LHFPL2: variants seen among roughly 807,000 people sequenced by gnomAD.
LHFPL2 encodes LHFPL tetraspan subfamily member 2 protein.
A neutral mutation model predicts 17.5 loss-of-function variants in LHFPL2; 7 were observed. The ratio of observed to expected loss-of-function variants is 0.40; its 90% CI spans 0.23 to 0.75. The LOEUF is 0.75. Among genes scored for constraint, LHFPL2 ranks in the 30% least tolerant of loss-of-function variants. LHFPL2 has a pLI of 0.37. For missense variants in LHFPL2, 241 were observed against 294.8 expected (o/e 0.82, Z 1.34); for synonymous variants, 134 against 116.2 (o/e 1.15, Z -0.99).
chr5:78,609,321 C>T (rs1180527368), intron 2 of LHFPL2, among the ~76,000 whole-genome samples: 3 of 151,582 alleles, frequency 2.0e-5, no homozygotes, highest in African/African-American at 7.3e-5. Flanking sequence ...TGTGGTGGCA[C>T]AGGCCTGTAA....
intron 4 of LHFPL2, among the ~76,000 whole-genome samples, chr5:78,507,097 G>A (rs1323675677): frequency 1.3e-5 from 2 of 152,076 alleles, no homozygotes; most frequent in African/African-American, 2.4e-5. Flanking sequence ...TTGGGAGGCG[G>A]AGGCAGGTGA....
At chr5:78,517,473 A>G (rs1755326487) in intron 3 of LHFPL2, among the ~76,000 whole-genome samples, 1 of 152,238 alleles carries the variant, frequency 6.6e-6, no homozygotes, top group African/African-American at 2.4e-5. Context: ...GCTAATAAAG[A>G]CATACCCGAA....
intron 2 of LHFPL2, among the ~76,000 whole-genome samples, chr5:78,603,672 GA>G (rs1341388426): frequency 7.3e-6 from 1 of 136,972 alleles, no homozygotes; most frequent in African/African-American, 2.8e-5. Context: ...TTGAGCCCAA[GA>G]GTTCAAGACC....
At chr5:78,514,205 ACTT>A (rs60169202) in intron 3 of LHFPL2, among the ~76,000 whole-genome samples, 18,892 of 152,022 alleles carry the variant, frequency 0.12, 1,472 homozygotes, top group African/African-American at 0.2. Flanking sequence ...TACCTAAAAG[ACTT>A]CTTCTCTACG....
chr5:78,506,025 G>C (rs1191914027), intron 4 of LHFPL2, among the ~76,000 whole-genome samples: 1 of 152,248 alleles, frequency 6.6e-6, no homozygotes. Flanking sequence ...ACAGTATTTA[G>C]AAAGTATCAG....
chr5:78,582,489 T>C (rs1743184260), intron 2 of LHFPL2, among the ~76,000 whole-genome samples: 2 of 151,580 alleles, frequency 1.3e-5, no homozygotes, highest in South Asian at 4.2e-4. Flanking sequence ...TGTTGTGTCT[T>C]TGTTCTCGTT....
chr5:78,601,396 T>G (rs1744009117), intron 2 of LHFPL2, among the ~76,000 whole-genome samples: 1 of 152,202 alleles, frequency 6.6e-6, no homozygotes, highest in African/African-American at 2.4e-5. Flanking sequence ...GCCCACTCAC[T>G]GAATTCCTCT....
intron 3 of LHFPL2, among the ~76,000 whole-genome samples, chr5:78,548,595 G>T (rs1756353096): frequency 6.6e-6 from 1 of 152,248 alleles, no homozygotes; most frequent in South Asian, 2.1e-4. Context: ...TTATTCAGCT[G>T]TCAGAATGAG....
chr5:78,553,881 C>T (rs1326146147), intron 3 of LHFPL2, among the ~76,000 whole-genome samples: 1 of 152,224 alleles, frequency 6.6e-6, no homozygotes, highest in Non-Finnish European at 1.5e-5. Flanking sequence ...ACAAGGAGCC[C>T]TGACAATTCA....
In LHFPL2 at chr5:78,528,080, A is replaced by C. The variant is rs567804967; in HGVS notation, c.-185-17682T>G. ...CTCTCTTTGGCTTAACTGTGCTCCC[A>C]GTAACATAAAACAATACTGAAATGC... On this transcript the variant is annotated intron_variant, in intron 3 of 4. Transcript: ENST00000380345. Among the ~76,000 whole-genome samples, 118 of 152,362 alleles carry C rather than the reference A, an allele frequency of 7.7e-4. 1 individual carries two copies. The highest frequency in any genetic ancestry group is 1.3e-3 in the Non-Finnish European group (88 of 68,034).
At chr5:78,521,991 C>T (rs1258280165) in intron 3 of LHFPL2, among the ~76,000 whole-genome samples, 1 of 152,160 alleles carries the variant, frequency 6.6e-6, no homozygotes, top group Admixed American at 6.5e-5. Context: ...CTTAACAGAC[C>T]TGATGGATTT....
At chr5:78,581,242 G>A (rs1330453835) in intron 2 of LHFPL2, among the ~76,000 whole-genome samples, 1 of 152,150 alleles carries the variant, frequency 6.6e-6, no homozygotes, top group Non-Finnish European at 1.5e-5. Flanking sequence ...TGCAAACAGG[G>A]ACAATTTGAC....
chr5:78,578,032 C>T (rs1168612358), intron 2 of LHFPL2, among the ~76,000 whole-genome samples: 2 of 152,232 alleles, frequency 1.3e-5, no homozygotes, highest in Non-Finnish European at 2.9e-5. Context: ...TTTCTCTTTC[C>T]TTGTCATGCC....
intron 3 of LHFPL2, among the ~76,000 whole-genome samples, chr5:78,519,354 A>T (rs1285453830): frequency 6.6e-6 from 1 of 152,154 alleles, no homozygotes; most frequent in Non-Finnish European, 1.5e-5. Context: ...TTTTCTCTGT[A>T]CCCTACAAGT....
intron 2 of LHFPL2, chr5:78,625,838 T>C (rs536157018): frequency 1.3e-5 from 2 of 152,342 alleles, no homozygotes; most frequent in South Asian, 4.1e-4. Flanking sequence ...AGTTATTCAG[T>C]GTCCTAAACT....
At chr5:78,514,242 G>A (rs1016909115) in intron 3 of LHFPL2, among the ~76,000 whole-genome samples, 2 of 151,754 alleles carry the variant, frequency 1.3e-5, no homozygotes, top group African/African-American at 2.4e-5. Flanking sequence ...GTTTCCCCTC[G>A]ACAACACCTG....
chr5:78,608,818 G>A (rs1242095000), intron 2 of LHFPL2, among the ~76,000 whole-genome samples: 1 of 151,992 alleles, frequency 6.6e-6, no homozygotes. Flanking sequence ...TGTGGTCCCA[G>A]CTACTCGGGA....
At chr5:78,514,357 TA>T (rs56725399) in intron 3 of LHFPL2, among the ~76,000 whole-genome samples, 88 of 147,120 alleles carry the variant, frequency 6.0e-4, no homozygotes, top group Admixed American at 1.2e-3. Context: ...CCTCTTCACT[TA>T]AAAAAAAAAA....
chr5:78,604,207 G>A (rs533517273), intron 2 of LHFPL2, among the ~76,000 whole-genome samples: 1 of 152,324 alleles, frequency 6.6e-6, no homozygotes, highest in Non-Finnish European at 1.5e-5. Flanking sequence ...GCCGGGCATG[G>A]TGGCTCATGC....
Sources: allele counts gnomAD v4.1 joint callset (sites outside exome capture counted in the v4.1 genomes callset), GRCh38; gene constraint gnomAD v4.1.1; transcripts MANE v1.5; gene names NCBI Gene and HGNC (gene_info 2026-07-23, HGNC 2026-07-21).